The following CD226 variants were observed in gnomAD, a reference collection of about 807,000 sequenced individuals.
The protein encoded by CD226 is CD226 molecule.
Under a neutral mutation model 34.9 loss-of-function variants are expected in CD226, and 24 were observed. That is an observed-to-expected ratio of 0.69 (90% CI 0.50 to 0.97). The LOEUF is 0.97. Ranked by LOEUF, CD226 falls within the 50% of genes least tolerant of loss-of-function variation. The pLI is 0.00. For missense variants in CD226, 397 were observed against 412.7 expected (o/e 0.96, Z 0.33); for synonymous variants, 148 against 147.4 (o/e 1.00, Z -0.03).
At chr18:69,951,770 C>T (rs1013567692), upstream of CD226, among the ~76,000 whole-genome samples, 1 of 152,044 alleles carries the variant, frequency 6.6e-6, no homozygotes, top group Admixed American at 6.6e-5. Context: ...AAATGATGAT[C>T]AAAACAGATG....
chr18:69,866,660 C>T (rs1271186156), intron 5 of CD226, among the ~76,000 whole-genome samples: 1 of 152,106 alleles, frequency 6.6e-6, no homozygotes, highest in Non-Finnish European at 1.5e-5. Flanking sequence ...TATGTCCTCT[C>T]CTGGGTTGGA....
In CD226 at chr18:69,895,795, A is replaced by G. The variant is rs1424712024; in HGVS notation, c.633T>C (p.Asp211=). The change falls in exon 3 of 6, where the codon GAT becomes GAC. Residue 211 remains aspartate (D), a synonymous_variant. Coordinates refer to ENST00000582621, the MANE Select transcript of CD226 (RefSeq NM_001303618.2). The part of the protein sequence containing the change: ...HGRWSVIVIP[D]VTVSDSGLYR... The stretch of plus-strand genomic sequence containing the variant: ...AAAGCCCCGAGTCTGAGACTGTGAC[A>G]TCGGGGATGACGATGACGCTCCACC... 2.5e-6 allele frequency: 4 copies of G among 1,614,152 alleles called. No homozygotes were observed. In the South Asian group the frequency reaches 3.3e-5, roughly 13 times the overall value.
intron 2 of CD226, among the ~76,000 whole-genome samples, chr18:69,909,151 T>C (rs1167622950): frequency 1.3e-5 from 2 of 152,240 alleles, no homozygotes; most frequent in African/African-American, 4.8e-5. Context: ...CTTAAAGACA[T>C]TGTACCTTCA....
At chr18:69,921,061 T>C (rs1258354981) in intron 2 of CD226, among the ~76,000 whole-genome samples, 1 of 152,204 alleles carries the variant, frequency 6.6e-6, no homozygotes, top group South Asian at 2.1e-4. Flanking sequence ...TGAAAACTTA[T>C]ACCCAATGTT....
chr18:69,896,181 CT>C lies in CD226; in HGVS notation c.383-137del, dbSNP rs33943534. On this transcript the variant is annotated intron_variant, in intron 2 of 5. Transcript: ENST00000582621. ...CGTTGTGAATGACCTCTTTATACTA[CT>C]TTTTTTTTTTTTTTCCTGAGACGGA... 9,346 of 1,194,578 alleles carry C rather than the reference CT, an allele frequency of 7.8e-3. 12 individuals are homozygous for C. The highest frequency in any genetic ancestry group is 0.026 in the African/African-American group (1,611 of 61,764). The allele number at this position is 1,194,578 out of a possible 1,614,324, so 74.0% of individuals were successfully genotyped here.
chr18:69,917,486 C>A (rs943311832), intron 2 of CD226, among the ~76,000 whole-genome samples: 1 of 152,196 alleles, frequency 6.6e-6, no homozygotes, highest in Non-Finnish European at 1.5e-5. Context: ...ACACACCCCC[C>A]CAACACATGC....
At chr18:69,875,843 A>C (rs1334429226) in intron 3 of CD226, among the ~76,000 whole-genome samples, 2 of 152,234 alleles carry the variant, frequency 1.3e-5, no homozygotes, top group African/African-American at 4.8e-5. Context: ...TCTCACCTGT[A>C]TGTGGAATCT....
At chr18:69,896,369 G>C (rs1281637603) in intron 2 of CD226, among the ~76,000 whole-genome samples, 2 of 152,058 alleles carry the variant, frequency 1.3e-5, no homozygotes, top group African/African-American at 4.8e-5. Context: ...TTTTAGTAGA[G>C]ACGGGCTTTC....
intron 2 of CD226, among the ~76,000 whole-genome samples, chr18:69,909,079 C>T (rs890360565): frequency 6.6e-6 from 1 of 152,202 alleles, no homozygotes; most frequent in Admixed American, 6.6e-5. Flanking sequence ...TTACCTCTAC[C>T]TTCTATTGTG....
intron 2 of CD226, among the ~76,000 whole-genome samples, chr18:69,902,459 A>G (rs1598992137): frequency 1.3e-5 from 2 of 151,454 alleles, no homozygotes; most frequent in African/African-American, 4.8e-5. Context: ...TCCTGGAAAT[A>G]CTCTACCCCT....
intron 1 of CD226, among the ~76,000 whole-genome samples, chr18:69,956,344 G>A (rs2055897156): frequency 6.6e-6 from 1 of 152,236 alleles, no homozygotes; most frequent in South Asian, 2.1e-4. Flanking sequence ...CAACCCTTGA[G>A]TAGGATAATA....
In CD226 at chr18:69,858,335, T is replaced by C. The variant is rs1375895101; in HGVS notation, c.*5979A>G. 1 of 152,190 alleles carries C rather than the reference T, an allele frequency of 6.6e-6. No homozygotes were observed. Among genetic ancestry groups the C allele is most frequent in the East Asian group, 1.9e-4 (1 of 5,192 alleles). The allele number at this position is 152,190 out of a possible 1,614,324, so 9.4% of individuals were successfully genotyped here. ...TGGTCGAGGAGGGACATTTGTCAGTTGAAGTTCTTCAACGAGCCTGGAGGG... is the reference window on the plus strand; with the variant it reads ...TGGTCGAGGAGGGACATTTGTCAGTCGAAGTTCTTCAACGAGCCTGGAGGG... On this transcript the variant is annotated 3_prime_UTR_variant, in exon 6 of 6. Coordinates refer to ENST00000582621, the MANE Select transcript of CD226 (RefSeq NM_001303618.2).
intron 3 of CD226, among the ~76,000 whole-genome samples, chr18:69,889,733 G>T (rs1247053290): frequency 6.6e-6 from 1 of 152,128 alleles, no homozygotes; most frequent in African/African-American, 2.4e-5. Context: ...TCTATATACG[G>T]ATGTATTTAT....
chr18:69,959,270 G>A (rs375223048), upstream of CD226, among the ~76,000 whole-genome samples: 5 of 152,204 alleles, frequency 3.3e-5, no homozygotes, highest in Admixed American at 6.5e-5. Context: ...ACAAATGGAC[G>A]TAAAGAGGGA....
At chr18:69,915,246 C>T (rs537631316) in intron 2 of CD226, among the ~76,000 whole-genome samples, 81 of 152,146 alleles carry the variant, frequency 5.3e-4, no homozygotes, top group Non-Finnish European at 7.6e-4. Flanking sequence ...TAAAAATATG[C>T]AGAAATGCAT....
At chr18:69,906,476 GA>G (rs2055254678) in intron 2 of CD226, among the ~76,000 whole-genome samples, 1 of 151,836 alleles carries the variant, frequency 6.6e-6, no homozygotes, top group South Asian at 2.1e-4. Context: ...GTAGGGAAAG[GA>G]GAACACAAGG....
intron 3 of CD226, among the ~76,000 whole-genome samples, chr18:69,884,119 C>A (rs1984422643): frequency 6.6e-6 from 1 of 152,202 alleles, no homozygotes; most frequent in Non-Finnish European, 1.5e-5. Context: ...CTCACATGCC[C>A]ACAGAGAGCC....
At position 69,858,778 on chromosome 18, in the gene CD226, G is replaced by A. The variant is rs1038204872; in HGVS notation, c.*5536C>T. On this transcript the variant is annotated 3_prime_UTR_variant, in exon 6 of 6. Transcript: ENST00000582621. ...GGAGTCTCGCTCTGTTGCCCAGGGTGGAGTGCAGTGGTGCGATCTTGGCTC... is the reference window on the plus strand; with the variant it reads ...GGAGTCTCGCTCTGTTGCCCAGGGTAGAGTGCAGTGGTGCGATCTTGGCTC... The A allele has an allele frequency of 7.6e-6, 1 of 130,866 alleles. No individual in the cohort carries two copies. The highest frequency in any genetic ancestry group is 2.8e-5 in the African/African-American group (1 of 35,984). 8.1% of individuals were successfully genotyped at this position (130,866 alleles called of 1,614,324 possible).
intron 2 of CD226, among the ~76,000 whole-genome samples, chr18:69,935,365 A>C (rs1261804795): frequency 1.3e-5 from 2 of 152,222 alleles, no homozygotes; most frequent in African/African-American, 4.8e-5. Flanking sequence ...GCTGGAGAAC[A>C]ATGCCCACTA....
Sources: allele counts gnomAD v4.1 joint callset (sites outside exome capture counted in the v4.1 genomes callset), GRCh38; gene constraint gnomAD v4.1.1; transcripts MANE v1.5; gene names NCBI Gene and HGNC (gene_info 2026-07-23, HGNC 2026-07-21).